MIB2: variants seen among roughly 807,000 people sequenced by gnomAD.
The protein encoded by MIB2 is E3 ubiquitin-protein ligase MIB2.
A neutral mutation model predicts 96.6 loss-of-function variants in MIB2; 78 were observed. The observed-to-expected ratio is 0.81, with a 90% confidence interval of 0.67 to 0.97. The LOEUF is 0.97. MIB2 is among the 50% of genes least tolerant of loss of function. The pLI, the probability that MIB2 is intolerant of heterozygous loss-of-function variation, is 0.00. For synonymous variants in MIB2, 820 were observed against 629.5 expected (o/e 1.30, Z -4.53); for missense variants, 1,543 against 1,424.0 (o/e 1.08, Z -1.35).
rs1644613398 is a variant in MIB2, at chr1:1,625,087, C to G, written c.623C>G (p.Thr208Ser). Residue 208 changes from threonine (T) to serine (S), a missense_variant, in exon 6 of 20, where the codon ACC (threonine) becomes AGC (serine). Physicochemically the swap from Thr to Ser is moderately conservative, Grantham distance 58. Transcript: ENST00000355826. This position sits in a 1 kb window ranked among gnomAD's most constrained non-coding sequence, Gnocchi z 5.0. ...VASVTWADGT[T>S]NVYRVGHKGK... Reference sequence around the variant, plus strand: ...AGCGTGACGTGGGCTGATGGTACCACCAATGTGTACCGTGTGGGCCACAAG... The same window carrying G: ...AGCGTGACGTGGGCTGATGGTACCAGCAATGTGTACCGTGTGGGCCACAAG... The G allele has an allele frequency of 2.5e-6, 4 of 1,613,214 alleles. 1 individual carries two copies. The South Asian group carries it at 4.4e-5, about 18-fold the overall frequency.
At position 1,629,133 on chromosome 1, in the gene MIB2, C is replaced by G. The variant is rs766617996; in HGVS notation, c.2203C>G (p.Leu735Val). Residue 735 changes from leucine to valine, a missense_variant and splice_region_variant, in exon 17 of 20, where the codon CTA becomes GTA. By Grantham distance (32) the Leu-to-Val change is conservative (BLOSUM62 1). Coordinates refer to ENST00000355826, the MANE Select transcript of MIB2 (RefSeq NM_001170687.4). ...CACCGGCGTCTGTCCTGCCGCCCAG[C>G]TACAGGCCTCGGGCCTCCCCGGCAG... ...DPGPLQLLSR[L>V]QASGLPGSAE... is the part of the protein sequence containing the mutation. 29 of 1,485,914 alleles carry G rather than the reference C, an allele frequency of 2.0e-5. No individual in the cohort carries two copies. The highest frequency in any genetic ancestry group is 2.4e-5 in the Non-Finnish European group (27 of 1,127,528). 92.0% of individuals were successfully genotyped at this position (1,485,914 alleles called of 1,614,324 possible).
At position 1,625,062 on chromosome 1, in the gene MIB2, A is replaced by G. The variant is rs765986990; in HGVS notation, c.598A>G (p.Ser200Gly). ...WDVETGRSVA[S>G]VTWADGTTNV... ...TGTGGAGACAGGCCGGAGTGTGGCC[A>G]GCGTGACGTGGGCTGATGGTACCAC... Residue 200 changes from serine (S) to glycine (G), a missense_variant, in exon 6 of 20, where the codon AGC becomes GGC. Physicochemically the swap from Ser to Gly is moderately conservative, Grantham distance 56 (BLOSUM62 0). Coordinates refer to ENST00000355826, the MANE Select transcript of MIB2 (RefSeq NM_001170687.4). This position sits in a 1 kb window ranked among gnomAD's most constrained non-coding sequence, Gnocchi z 5.0. The G allele has an allele frequency of 2.5e-6, 4 of 1,613,282 alleles. 1 individual carries two copies. The South Asian group carries it at 3.3e-5, about 13-fold the overall frequency.
chr1:1,615,999 C>T (rs1643604211), intron 1 of MIB2: 2 of 984,874 alleles, frequency 2.0e-6, no homozygotes, highest in South Asian at 4.7e-5. Context: ...CGGTGGGTGG[C>T]CTCGAACGCC....
intron 2 of MIB2, 23 bp downstream of exon 2, chr1:1,616,637 C>T: frequency 6.4e-7 from 1 of 1,551,724 alleles, no homozygotes; most frequent in Non-Finnish European, 8.7e-7. Flanking sequence ...TCGTCCGCGG[C>T]CTGATAGTTT....
chr1:1,628,688 G>C lies in MIB2; in HGVS notation c.2168G>C (p.Gly723Ala). ...QLLPLVADGA[G>A]GDPGPLQLLS... is the part of the protein sequence containing the mutation. ...CTGCCCCTGGTGGCTGATGGGGCCGGGGGGGACCCAGGGCCCTTGCAGCTG... is the reference window on the plus strand; with the variant it reads ...CTGCCCCTGGTGGCTGATGGGGCCGCGGGGGACCCAGGGCCCTTGCAGCTG... Residue 723 changes from glycine to alanine, a missense_variant, in exon 16 of 20, where the codon GGG becomes GCG. Physicochemically the swap from Gly to Ala is moderately conservative, Grantham distance 60 (BLOSUM62 0). Coordinates refer to ENST00000355826, the MANE Select transcript of MIB2 (RefSeq NM_001170687.4). 1.9e-6 allele frequency: 3 copies of C among 1,570,420 alleles called. No individual in the cohort carries two copies. The highest frequency in any genetic ancestry group is 2.6e-6 in the Non-Finnish European group (3 of 1,159,850).
chr1:1,630,563 G>C lies in MIB2; in HGVS notation c.*33G>C, dbSNP rs368024639. On this transcript the variant is annotated 3_prime_UTR_variant, in exon 20 of 20. Transcript: ENST00000355826. ...CGTCCGCCGCGCCCGAGCTGCCTTC[G>C]CGTGCCCCCGCCCTGTGTTTTATAA... 1 of 1,463,504 alleles carries C rather than the reference G, an allele frequency of 6.8e-7. No individual in the cohort carries two copies. Among genetic ancestry groups the C allele is most frequent in the South Asian group, 1.3e-5 (1 of 77,972 alleles). 90.7% of individuals were successfully genotyped at this position (1,463,504 alleles called of 1,614,324 possible).
rs1443512141 is a variant in MIB2, at chr1:1,629,387, A to G, written c.2384A>G (p.Glu795Gly). 4 of 1,443,288 alleles carry G rather than the reference A, an allele frequency of 2.8e-6. No individual in the cohort carries two copies. The highest frequency in any genetic ancestry group is 2.7e-6 in the Non-Finnish European group (3 of 1,111,578). 89.4% of individuals were successfully genotyped at this position (1,443,288 alleles called of 1,614,324 possible). The change falls in exon 18 of 20, where the codon GAG becomes GGG. Residue 795 changes from glutamate (E) to glycine (G), a missense_variant and splice_region_variant. Glu to Gly is a moderately conservative substitution (Grantham distance 98). Transcript: ENST00000355826. ...ALQGCAQRFR[E>G]RQAGGGAAPG... ...CAAGCCGCCTCCTCCCCCTGCAGGGAGCGGCAGGCGGGCGGGGGCGCGGCC... is the reference window on the plus strand; with the variant it reads ...CAAGCCGCCTCCTCCCCCTGCAGGGGGCGGCAGGCGGGCGGGGGCGCGGCC...
At chr1:1,627,609 G>T in intron 12 of MIB2, 64 bp from the exon 13 acceptor site, 1 of 1,535,704 alleles carries the variant, frequency 6.5e-7, no homozygotes, top group South Asian at 1.2e-5. Flanking sequence ...GCCTGGCGGG[G>T]CTGAGCCTGT....
Position 1,629,374 on chromosome 1 carries a change from T to C in MIB2, c.2382-11T>C. ...TCCGGGCCCCTCTCAAGCCGCCTCC[T>C]CCCCCTGCAGGGAGCGGCAGGCGGG... On this transcript the variant is annotated splice_polypyrimidine_tract_variant and intron_variant, in intron 17 of 19. Coordinates refer to ENST00000355826, the MANE Select transcript of MIB2 (RefSeq NM_001170687.4). 2.8e-6 allele frequency: 4 copies of C among 1,436,496 alleles called. No homozygotes were observed. The highest frequency in any genetic ancestry group is 6.0e-5 in the Admixed American group (2 of 33,214). The allele number at this position is 1,436,496 out of a possible 1,614,324, so 89.0% of individuals were successfully genotyped here. A position where few individuals can be genotyped will look rare whatever the true frequency, so the allele number is the denominator to read the frequency against.
Position 1,629,438 on chromosome 1 carries a change from C to A in MIB2, c.2435C>A (p.Thr812Asn), listed in dbSNP as rs577113801. The change falls in exon 18 of 20, where the codon ACC becomes AAC. Residue 812 changes from threonine to asparagine, a missense_variant. By Grantham distance (65) the Thr-to-Asn change is moderately conservative (BLOSUM62 0). Coordinates refer to ENST00000355826, the MANE Select transcript of MIB2 (RefSeq NM_001170687.4). ...CCGGGCCCCAGGCAAACGCTCGGGA[C>A]CCCCAACACCGTGACGAACCTGCAC... ...AAPGPRQTLG[T>N]PNTVTNLHVG... is the part of the protein sequence containing the mutation. The A allele has an allele frequency of 6.6e-7, 1 of 1,526,262 alleles. No individual in the cohort carries two copies. Among genetic ancestry groups the A allele is most frequent in the South Asian group, 1.2e-5 (1 of 83,016 alleles). 94.5% of individuals were successfully genotyped at this position (1,526,262 alleles called of 1,614,324 possible).
rs2100294550 is a variant in MIB2, at chr1:1,616,582, G to A, written c.-55G>A. On this transcript the variant is annotated 5_prime_UTR_variant, in exon 2 of 20. Coordinates refer to ENST00000355826, the MANE Select transcript of MIB2 (RefSeq NM_001170687.4). ...CAGGGCTGCAGCCCAGGAGCCTCAAGGCGGCCCGGCGGGCGACTGGACGGC... is the reference window on the plus strand; with the variant it reads ...CAGGGCTGCAGCCCAGGAGCCTCAAAGCGGCCCGGCGGGCGACTGGACGGC... 6.2e-7 allele frequency: 1 copy of A among 1,601,964 alleles called. No homozygotes were observed. Among genetic ancestry groups the A allele is most frequent in the South Asian group, 1.1e-5 (1 of 89,396 alleles).
chr1:1,618,420 G>A (rs1432603004), intron 2 of MIB2: 1 of 152,872 alleles, frequency 6.5e-6, no homozygotes, highest in Non-Finnish European at 1.5e-5. Context: ...ATCTGTCCTA[G>A]AGGGCTTGAT....
intron 2 of MIB2, 76 bp from the exon 3 acceptor site, chr1:1,623,355 C>T: frequency 6.4e-7 from 1 of 1,560,474 alleles, no homozygotes; most frequent in Non-Finnish European, 8.6e-7. Context: ...CCGGGAGTGT[C>T]CCATGGTGGC....
Position 1,625,831 on chromosome 1 carries a change from G to T in MIB2, c.972+178G>T, listed in dbSNP as rs116335439. 436 of 607,708 alleles carry T rather than the reference G, an allele frequency of 7.2e-4. 4 individuals are homozygous for T. The highest frequency in any genetic ancestry group is 6.9e-3 in the African/African-American group (371 of 54,100). 37.6% of individuals were successfully genotyped at this position (607,708 alleles called of 1,614,324 possible). ...TGGGTGGGGTCAAGGAGAAGAGGGGGTTGGGTGTGAAGGAACCCAGAGGAG... is the reference window on the plus strand; with the variant it reads ...TGGGTGGGGTCAAGGAGAAGAGGGGTTTGGGTGTGAAGGAACCCAGAGGAG... On this transcript the variant is annotated intron_variant, in intron 8 of 19. Coordinates refer to ENST00000355826, the MANE Select transcript of MIB2 (RefSeq NM_001170687.4). This position sits in a 1 kb window ranked among gnomAD's most constrained non-coding sequence, Gnocchi z 5.0.
intron 2 of MIB2, among the ~76,000 whole-genome samples, chr1:1,621,049 G>C (rs571174444): frequency 7.9e-5 from 12 of 152,264 alleles, no homozygotes; most frequent in African/African-American, 2.7e-4. Flanking sequence ...AGGGGCTGCC[G>C]CTGTCACAGA....
Position 1,625,188 on chromosome 1 carries a change from A to G in MIB2, c.721+3A>G. The stretch of plus-strand genomic sequence containing the variant: ...CAAGGACCACCTCCCAAGGCTCGGT[A>G]TGAGGCTGTCACACTGACTCCATCA... On this transcript the variant is annotated splice_donor_region_variant and intron_variant, in intron 6 of 19. Transcript: ENST00000355826. This position sits in a 1 kb window ranked among gnomAD's most constrained non-coding sequence, Gnocchi z 5.0. The G allele has an allele frequency of 6.2e-7, 1 of 1,608,102 alleles. No individual in the cohort carries two copies. The highest frequency in any genetic ancestry group is 8.5e-7 in the Non-Finnish European group (1 of 1,177,052).
chr1:1,626,897 G>T lies in MIB2; in HGVS notation c.1138G>T (p.Val380Phe). ...TGGAGACGGGAACCTGCGTGTAGCA[G>T]TCGCTGGTCAGCGGTGGACCTTCAG... ...VFGDGNLRVA[V>F]AGQRWTFSPS... The change falls in exon 10 of 20, where the codon GTC (valine) becomes TTC (phenylalanine). Residue 380 changes from valine (V) to phenylalanine (F), a missense_variant. Physicochemically the swap from Val to Phe is conservative, Grantham distance 50. Transcript: ENST00000355826. This position sits in a 1 kb window ranked among gnomAD's most constrained non-coding sequence, Gnocchi z 5.3. 1 of 1,607,588 alleles carries T rather than the reference G, an allele frequency of 6.2e-7. No individual in the cohort carries two copies.
In MIB2 at chr1:1,629,659, A is replaced by T; in HGVS notation, c.2584A>T (p.Lys862Ter). Residue 862 changes from lysine (K) to a stop codon, truncating the protein, a stop_gained, in exon 19 of 20, where the codon AAG becomes TAG. Coordinates refer to ENST00000355826, the MANE Select transcript of MIB2 (RefSeq NM_001170687.4). LOFTEE classifies it high-confidence loss of function. Reference sequence around the variant, plus strand: ...CGCAGAGTGCGCGCGCAGGATGAAGAAGTGCATCAGGTGCCAGGTGGTCGT... The same window carrying T: ...CGCAGAGTGCGCGCGCAGGATGAAGTAGTGCATCAGGTGCCAGGTGGTCGT... The part of the protein sequence containing the change: ...VCEECARRMK[K>*]CIRCQVVVSK... The T allele has an allele frequency of 6.3e-7, 1 of 1,599,530 alleles. No homozygotes were observed. Among genetic ancestry groups the T allele is most frequent in the Non-Finnish European group, 8.5e-7 (1 of 1,173,026 alleles).
At chr1:1,623,118 T>C in intron 2 of MIB2, 1 of 479,600 alleles carries the variant, frequency 2.1e-6, no homozygotes, top group South Asian at 3.3e-5. Context: ...GAGATGGTGG[T>C]TTTCTTCCGA....
Sources: gnomAD v4.1 joint callset for allele counts (sites outside exome capture counted in the v4.1 genomes callset) on GRCh38, gnomAD v4.1.1 for gene constraint, Gnocchi (gnomAD v3.1) non-coding constraint, MANE v1.5 for transcripts, NCBI Gene and HGNC (gene_info 2026-07-23, HGNC 2026-07-21) for gene names.